RYR2: variants seen among roughly 807,000 people sequenced by gnomAD.
RYR2 encodes the protein cardiac muscle ryanodine receptor-calcium release channel.
A neutral mutation model predicts 601.1 loss-of-function variants in RYR2; 227 were observed. The ratio of observed to expected loss-of-function variants is 0.38; its 90% CI spans 0.34 to 0.42. The LOEUF (loss-of-function observed/expected upper bound fraction) is 0.42. RYR2 is among the 10% of genes least tolerant of loss of function. The pLI, the probability that RYR2 is intolerant of heterozygous loss-of-function variation, is 1.00. For missense variants in RYR2, 4,646 were observed against 6,156.5 expected (o/e 0.75, Z 8.21); for synonymous variants, 2,223 against 2,175.1 (o/e 1.02, Z -0.61).
chr1:237,330,677 C>T lies in RYR2; in HGVS notation c.169-201C>T, dbSNP rs80072844. ...TGCTGGGATTACAGGCGTGAGCCAC[C>T]GCACCCGGCCACTATCTCTGGTTTT... On this transcript the variant is annotated intron_variant, in intron 2 of 104. Transcript: ENST00000366574. Among the ~76,000 whole-genome samples the T allele has an allele frequency of 1.6e-3, 239 of 152,278 alleles. 1 individual carries two copies. Among genetic ancestry groups the T allele is most frequent in the African/African-American group, 5.2e-3 (218 of 41,544 alleles).
chr1:237,203,212 C>G (rs1681400666), intron 1 of RYR2, among the ~76,000 whole-genome samples: 2 of 152,122 alleles, frequency 1.3e-5, no homozygotes, highest in African/African-American at 2.4e-5. Flanking sequence ...GATTTGAAAA[C>G]TAGGGTCACA....
intron 101 of RYR2, among the ~76,000 whole-genome samples, chr1:237,824,681 C>A (rs2102886351): frequency 6.6e-6 from 1 of 152,162 alleles, no homozygotes; most frequent in African/African-American, 2.4e-5. Flanking sequence ...CTGGCCAGGG[C>A]AATCAGGCAA....
chr1:237,426,943 G>A (rs1706223851), intron 12 of RYR2, among the ~76,000 whole-genome samples: 1 of 152,168 alleles, frequency 6.6e-6, no homozygotes, highest in Non-Finnish European at 1.5e-5. Context: ...GGAGGAAAAA[G>A]AGGAAGAGTG....
At chr1:237,255,838 AGTGTGTGTGTGTGTGTGT>A (rs4006354) in intron 1 of RYR2, among the ~76,000 whole-genome samples, 2 of 142,858 alleles carry the variant, frequency 1.4e-5, no homozygotes, top group South Asian at 2.3e-4. Flanking sequence ...TTGCTATACC[AGTGTGTGTGTGTGTGTGT>A]GTGTGTGTGT....
At chr1:237,306,116 C>CAAACTGAGA (rs1356952215) in intron 2 of RYR2, among the ~76,000 whole-genome samples, 1 of 152,056 alleles carries the variant, frequency 6.6e-6, no homozygotes, top group Non-Finnish European at 1.5e-5. Flanking sequence ...AAATGATTGA[C>CAAACTGAGA]AAACTGAGAA....
At chr1:237,521,157 T>C (rs1572700944) in intron 24 of RYR2, among the ~76,000 whole-genome samples, 1 of 113,316 alleles carries the variant, frequency 8.8e-6, no homozygotes, top group African/African-American at 3.0e-5. Context: ...CTCCTGAAAC[T>C]GTTTCAAAAA....
At chr1:237,204,547 A>G (rs535418400) in intron 1 of RYR2, among the ~76,000 whole-genome samples, 1 of 152,126 alleles carries the variant, frequency 6.6e-6, no homozygotes, top group South Asian at 2.1e-4. Flanking sequence ...AATCCTGCAA[A>G]TGCATTCAGG....
intron 12 of RYR2, among the ~76,000 whole-genome samples, chr1:237,436,233 C>T (rs1421397339): frequency 6.6e-6 from 1 of 151,674 alleles, no homozygotes; most frequent in African/African-American, 2.4e-5. Flanking sequence ...GAGTGATATC[C>T]TGTTCTATTC....
chr1:237,494,217 C>T (rs745718251), intron 19 of RYR2, among the ~76,000 whole-genome samples: 12 of 152,058 alleles, frequency 7.9e-5, no homozygotes, highest in Admixed American at 1.3e-4. Flanking sequence ...CAAGGACGCC[C>T]GTCTGAGTCC....
chr1:237,624,523 T>G lies in RYR2; in HGVS notation c.6022+653T>G, dbSNP rs142466302. 1.2e-3 allele frequency among the ~76,000 whole-genome samples: 187 copies of G among 152,296 alleles called. 1 individual carries two copies. The highest frequency in any genetic ancestry group is 4.4e-3 in the African/African-American group (182 of 41,570). Reference sequence around the variant, plus strand: ...TTATAGTAACCTCAATGAAGCTGTTTTTTCCTCATGTAAGAAAGAAATTTG... The same window carrying G: ...TTATAGTAACCTCAATGAAGCTGTTGTTTCCTCATGTAAGAAAGAAATTTG... On this transcript the variant is annotated intron_variant, in intron 39 of 104. Transcript: ENST00000366574.
Position 237,665,419 on chromosome 1 carries a change from A to G in RYR2, c.8437-1093A>G, listed in dbSNP as rs981075822. 4.2e-4 allele frequency among the ~76,000 whole-genome samples: 62 copies of G among 148,130 alleles called. 1 individual carries two copies. Among genetic ancestry groups the G allele is most frequent in the Non-Finnish European group, 2.1e-4 (14 of 66,418 alleles). ...TCTCAAAAAAAAAAAAAAAAAAAAAAGGAAAACTTCAGACAAATTAAATTT... is the reference window on the plus strand; with the variant it reads ...TCTCAAAAAAAAAAAAAAAAAAAAAGGGAAAACTTCAGACAAATTAAATTT... On this transcript the variant is annotated intron_variant, in intron 56 of 104. Coordinates refer to ENST00000366574, the MANE Select transcript of RYR2 (RefSeq NM_001035.3).
chr1:237,803,204 G>A (rs1395133045), intron 98 of RYR2, among the ~76,000 whole-genome samples: 1 of 152,152 alleles, frequency 6.6e-6, no homozygotes, highest in African/African-American at 2.4e-5. Flanking sequence ...TTACTGTGCA[G>A]CAAGCACATG....
chr1:237,373,639 T>C (rs1038449018), intron 6 of RYR2, among the ~76,000 whole-genome samples: 2 of 152,114 alleles, frequency 1.3e-5, no homozygotes, highest in Non-Finnish European at 2.9e-5. Flanking sequence ...TGGGGAGCAG[T>C]AGGCTTGAAA....
intron 1 of RYR2, among the ~76,000 whole-genome samples, chr1:237,048,433 T>C (rs1660857515): frequency 6.6e-6 from 1 of 152,116 alleles, no homozygotes; most frequent in Non-Finnish European, 1.5e-5. Flanking sequence ...TCATCCTTCC[T>C]CCTGCAACAA....
intron 92 of RYR2, among the ~76,000 whole-genome samples, chr1:237,789,680 G>T (rs1462468089): frequency 6.6e-6 from 1 of 151,790 alleles, no homozygotes; most frequent in Non-Finnish European, 1.5e-5. Context: ...CCAAGTAGTT[G>T]AGATTTTGCT....
At chr1:237,757,251 T>G (rs1353825651) in intron 81 of RYR2, among the ~76,000 whole-genome samples, 1 of 152,180 alleles carries the variant, frequency 6.6e-6, no homozygotes, top group African/African-American at 2.4e-5. Context: ...ATGTCAAACA[T>G]ATTAAAATAA....
chr1:237,802,931 C>T (rs146265925), intron 98 of RYR2, among the ~76,000 whole-genome samples: 2 of 152,276 alleles, frequency 1.3e-5, no homozygotes, highest in Non-Finnish European at 2.9e-5. Flanking sequence ...CCTTAGACAG[C>T]GTTCTGCTAT....
At position 237,643,403 on chromosome 1, in the gene RYR2, TGGGCGTTATCAGCA is replaced by T. The variant is rs1323492081; in HGVS notation, c.7299_7312del (p.Gly2434ArgfsTer17). Reference sequence around the variant, plus strand: ...TCCCTCATTCCCCTGGGAGATTTGGTGGGCGTTATCAGCATCGCTTTTCAGATGCCAACAATAGC... The same window carrying T: ...TCCCTCATTCCCCTGGGAGATTTGGTTCGCTTTTCAGATGCCAACAATAGC... On this transcript the variant is annotated frameshift_variant, in exon 48 of 105. Transcript: ENST00000366574. LOFTEE classifies it high-confidence loss of function. The T allele has an allele frequency of 1.2e-6, 2 of 1,613,940 alleles. No individual in the cohort carries two copies.
At chr1:237,598,282 A>G (rs1286330573) in intron 34 of RYR2, among the ~76,000 whole-genome samples, 1 of 152,228 alleles carries the variant, frequency 6.6e-6, no homozygotes, top group Admixed American at 6.5e-5. Context: ...AGGAAACAGC[A>G]GATTTAAACT....
Sources: allele counts gnomAD v4.1 joint callset (sites outside exome capture counted in the v4.1 genomes callset), GRCh38; gene constraint gnomAD v4.1.1; transcripts MANE v1.5; gene names NCBI Gene and HGNC (gene_info 2026-07-23, HGNC 2026-07-21).